The following RIGI variants were observed in gnomAD, a reference collection of about 807,000 sequenced individuals.
The protein encoded by RIGI is antiviral innate immune response receptor RIG-I.
the RIGI span, among the ~76,000 whole-genome samples, chr9:32,517,191 A>G: frequency 1.3e-5 from 2 of 152,170 alleles, no homozygotes; most frequent in Admixed American, 6.5e-5. Flanking sequence ...TTTGGAATCT[A>G]GCTTCTAAAA....
chr9:32,501,325 CAAAAA>C, the RIGI span, among the ~76,000 whole-genome samples: 1 of 121,852 alleles, frequency 8.2e-6, no homozygotes, highest in Non-Finnish European at 1.6e-5. Context: ...CCAGCCTCTA[CAAAAA>C]AAAAAAAAAA....
At chr9:32,465,162 C>G in the RIGI span, among the ~76,000 whole-genome samples, 3 of 152,104 alleles carry the variant, frequency 2.0e-5, no homozygotes, top group African/African-American at 7.2e-5. Flanking sequence ...GAATCCCATC[C>G]CCAGTAAAAC....
the RIGI span, among the ~76,000 whole-genome samples, chr9:32,473,888 C>T: frequency 9.9e-5 from 15 of 152,226 alleles, no homozygotes; most frequent in Admixed American, 4.6e-4. Context: ...ATTAGCTGGG[C>T]ATGGTGGCAC....
chr9:32,504,038 A>AACACACACAC, the RIGI span, among the ~76,000 whole-genome samples: 1,817 of 135,744 alleles, frequency 0.013, 44 homozygotes, highest in African/African-American at 0.042. Flanking sequence ...CAAGACTCCA[A>AACACACACAC]ACACACACAC....
At chr9:32,464,087 C>T in the RIGI span, among the ~76,000 whole-genome samples, 1 of 151,682 alleles carries the variant, frequency 6.6e-6, no homozygotes, top group Admixed American at 6.6e-5. Flanking sequence ...CAGCAGGCCA[C>T]ACACAGACAA....
the RIGI span, chr9:32,492,338 G>A: frequency 8.8e-6 from 14 of 1,599,048 alleles, no homozygotes; most frequent in African/African-American, 6.7e-5. Context: ...GTAAAAGACC[G>A]GTTGGAATGA....
chr9:32,467,568 G>T, the RIGI span, among the ~76,000 whole-genome samples: 5 of 152,176 alleles, frequency 3.3e-5, no homozygotes, highest in African/African-American at 4.8e-5. Flanking sequence ...CAGCATCATT[G>T]TAAGAATCAA....
chr9:32,505,445 T>A, the RIGI span, among the ~76,000 whole-genome samples: 2 of 152,148 alleles, frequency 1.3e-5, no homozygotes, highest in African/African-American at 4.8e-5. Flanking sequence ...ATAGGGAGAA[T>A]TGACATGTTT....
chr9:32,460,786 G>A, the RIGI span, among the ~76,000 whole-genome samples: 5 of 151,414 alleles, frequency 3.3e-5, no homozygotes, highest in East Asian at 3.9e-4. Flanking sequence ...AAAAAAAAGC[G>A]CAAAGTCTCA....
chr9:32,466,247 T>G, the RIGI span: 1 of 1,600,576 alleles, frequency 6.2e-7, no homozygotes, highest in Non-Finnish European at 8.5e-7. Context: ...CATTCCCTGA[T>G]AGTTATTTAT....
the RIGI span, among the ~76,000 whole-genome samples, chr9:32,510,662 T>C: frequency 6.6e-6 from 1 of 152,146 alleles, no homozygotes; most frequent in Admixed American, 6.5e-5. Context: ...ATCGACACTA[T>C]GAAGAAACTG....
chr9:32,487,726 T>A, the RIGI span: 1 of 1,447,356 alleles, frequency 6.9e-7, no homozygotes, highest in African/African-American at 1.4e-5. Flanking sequence ...GGGTAGGGCG[T>A]TTTTTTGTTT....
the RIGI span, among the ~76,000 whole-genome samples, chr9:32,507,767 TC>T: frequency 6.6e-6 from 1 of 152,034 alleles, no homozygotes; most frequent in Non-Finnish European, 1.5e-5. Flanking sequence ...CACCTCAGGT[TC>T]CCAAAGTGCT....
the RIGI span, among the ~76,000 whole-genome samples, chr9:32,488,495 G>A: frequency 6.6e-6 from 1 of 152,128 alleles, no homozygotes; most frequent in East Asian, 1.9e-4. Context: ...AATGTGCCAC[G>A]TAAACATCAA....
chr9:32,488,494 C>G, the RIGI span, among the ~76,000 whole-genome samples: 1 of 152,224 alleles, frequency 6.6e-6, no homozygotes, highest in South Asian at 2.1e-4. Flanking sequence ...AAATGTGCCA[C>G]GTAAACATCA....
the RIGI span, chr9:32,498,373 C>A: frequency 2.2e-6 from 1 of 456,630 alleles, no homozygotes; most frequent in Admixed American, 2.3e-5. Flanking sequence ...TATTTGGTCA[C>A]CCTATTCAGC....
the RIGI span, chr9:32,487,865 C>T: frequency 6.7e-7 from 1 of 1,498,994 alleles, no homozygotes; most frequent in Non-Finnish European, 9.0e-7. Flanking sequence ...AGGACATCTT[C>T]AGTGTGGCCA....
chr9:32,504,038 AACACAC>A, the RIGI span, among the ~76,000 whole-genome samples: 32 of 135,666 alleles, frequency 2.4e-4, no homozygotes, highest in Admixed American at 9.6e-4. Flanking sequence ...CAAGACTCCA[AACACAC>A]ACACACACAC....
the RIGI span, chr9:32,487,378 A>C: frequency 8.3e-7 from 1 of 1,207,324 alleles, no homozygotes. Flanking sequence ...AAACAGAGAG[A>C]GGGTCAAAGT....
Sources: gnomAD v4.1 joint callset for allele counts (sites outside exome capture counted in the v4.1 genomes callset) on GRCh38, gnomAD v4.1.1 for gene constraint, MANE v1.5 for transcripts, NCBI Gene and HGNC (gene_info 2026-07-23, HGNC 2026-07-21) for gene names.